Variants in PIK3AP1 observed in about 807,000 individuals in gnomAD.
The protein encoded by PIK3AP1 is phosphoinositide-3-kinase adaptor protein 1.
In PIK3AP1, 21 loss-of-function variants were observed where a neutral mutation model predicts 88.1. The ratio of observed to expected loss-of-function variants is 0.24; its 90% CI spans 0.17 to 0.34. PIK3AP1 has a LOEUF of 0.34. PIK3AP1 is among the 10% of genes least tolerant of loss of function. PIK3AP1 has a pLI of 1.00. For missense variants in PIK3AP1, 828 were observed against 1,035.7 expected, an observed-to-expected ratio of 0.80 and a Z score of 2.75; for synonymous variants, 398 against 400.0, an observed-to-expected ratio of 1.00 and a Z score of 0.06.
chr10:96,606,619 C>T (rs1849006844), intron 14 of PIK3AP1, among the ~76,000 whole-genome samples: 1 of 152,230 alleles, frequency 6.6e-6, no homozygotes, highest in Non-Finnish European at 1.5e-5. Context: ...GCCCTAGCTC[C>T]CATCATCTTC....
intron 6 of PIK3AP1, 61 bp from the exon 7 acceptor site, chr10:96,648,916 T>A: frequency 7.2e-7 from 1 of 1,393,626 alleles, no homozygotes. Flanking sequence ...GGTGCCCTTG[T>A]TCATGGAGAT....
intron 8 of PIK3AP1, among the ~76,000 whole-genome samples, chr10:96,630,039 G>A (rs1309952570): frequency 6.6e-6 from 1 of 151,772 alleles, no homozygotes; most frequent in African/African-American, 2.4e-5. Flanking sequence ...CTGAAAAGAT[G>A]GGGATAAGTA....
chr10:96,602,791 T>A (rs1173953973), intron 15 of PIK3AP1, among the ~76,000 whole-genome samples: 1 of 152,136 alleles, frequency 6.6e-6, no homozygotes, highest in African/African-American at 2.4e-5. Flanking sequence ...TGGATCAAGC[T>A]AGACACATGT....
chr10:96,631,780 G>T (rs2134213230), intron 8 of PIK3AP1, among the ~76,000 whole-genome samples: 1 of 152,222 alleles, frequency 6.6e-6, no homozygotes, highest in South Asian at 2.1e-4. Context: ...CTACTCAGGA[G>T]GCTGAGGCAG....
chr10:96,688,608 G>C (rs12267575), intron 2 of PIK3AP1, among the ~76,000 whole-genome samples: 3,399 of 152,202 alleles, frequency 0.022, 45 homozygotes, highest in Middle Eastern at 0.058. Context: ...AGACCAGCCT[G>C]GCCAACATGG....
intron 15 of PIK3AP1, among the ~76,000 whole-genome samples, chr10:96,602,851 A>G (rs945336017): frequency 3.9e-5 from 6 of 152,066 alleles, no homozygotes; most frequent in Non-Finnish European, 1.5e-5. Context: ...GCAGCAACTT[A>G]CTCCCTGCTC....
chr10:96,672,046 A>G (rs1843854496), intron 2 of PIK3AP1, among the ~76,000 whole-genome samples: 1 of 152,134 alleles, frequency 6.6e-6, no homozygotes, highest in African/African-American at 2.4e-5. Context: ...CTCAAAAAAC[A>G]AAGAAAAAAA....
At chr10:96,658,844 C>G (rs1843650054) in intron 2 of PIK3AP1, among the ~76,000 whole-genome samples, 1 of 146,420 alleles carries the variant, frequency 6.8e-6, no homozygotes, top group Non-Finnish European at 1.6e-5. Context: ...GTGTTCTACG[C>G]AAGGCGATAT....
At chr10:96,618,191 A>G (rs1019269844) in intron 12 of PIK3AP1, among the ~76,000 whole-genome samples, 2 of 152,208 alleles carry the variant, frequency 1.3e-5, no homozygotes, top group Non-Finnish European at 2.9e-5. Context: ...GGACCAGCTC[A>G]TGGGAAGGGA....
chr10:96,610,673 GA>G (rs1849091625), intron 13 of PIK3AP1, among the ~76,000 whole-genome samples: 2 of 152,174 alleles, frequency 1.3e-5, no homozygotes, highest in Admixed American at 1.3e-4. Context: ...TGCCTTTGTC[GA>G]GCAAAGCACT....
chr10:96,641,455 A>C (rs1188568527), intron 8 of PIK3AP1, among the ~76,000 whole-genome samples: 1 of 152,198 alleles, frequency 6.6e-6, no homozygotes, highest in Admixed American at 6.5e-5. Flanking sequence ...TGAGCAAGTG[A>C]GTGAATGAAC....
intron 16 of PIK3AP1, 110 bp downstream of exon 16, chr10:96,602,170 A>C: frequency 2.1e-6 from 2 of 939,446 alleles, no homozygotes; most frequent in African/African-American, 1.7e-5. Flanking sequence ...GGCATGAGCC[A>C]CTGCGCCCAG....
intron 8 of PIK3AP1, among the ~76,000 whole-genome samples, chr10:96,638,692 T>G (rs924254097): frequency 2.0e-5 from 3 of 152,228 alleles, no homozygotes; most frequent in Non-Finnish European, 4.4e-5. Context: ...TGGGATGCAT[T>G]TGTGGTGCTG....
At chr10:96,697,488 G>A (rs1237104432) in intron 2 of PIK3AP1, among the ~76,000 whole-genome samples, 1 of 152,174 alleles carries the variant, frequency 6.6e-6, no homozygotes, top group African/African-American at 2.4e-5. Flanking sequence ...ACTTTGGGAG[G>A]ACAAGGGGAG....
chr10:96,633,878 T>C (rs1439153865), intron 8 of PIK3AP1, among the ~76,000 whole-genome samples: 1 of 152,206 alleles, frequency 6.6e-6, no homozygotes, highest in Non-Finnish European at 1.5e-5. Flanking sequence ...TTCTTTACAA[T>C]AGAGTTATTT....
chr10:96,627,377 T>C (rs1843168113), intron 9 of PIK3AP1, among the ~76,000 whole-genome samples: 1 of 152,180 alleles, frequency 6.6e-6, no homozygotes, highest in Non-Finnish European at 1.5e-5. Context: ...TTTTTAAAGA[T>C]CCAAATAGTA....
intron 2 of PIK3AP1, among the ~76,000 whole-genome samples, chr10:96,693,703 G>A (rs897299599): frequency 4.6e-5 from 7 of 152,114 alleles, no homozygotes; most frequent in African/African-American, 1.7e-4. Context: ...CCTTTATCCT[G>A]TTCTTGTGCA....
chr10:96,603,257 A>G (rs553600785), intron 15 of PIK3AP1, among the ~76,000 whole-genome samples: 1 of 152,304 alleles, frequency 6.6e-6, no homozygotes, highest in Non-Finnish European at 1.5e-5. Flanking sequence ...GCCTCTATCT[A>G]GTCTTAAAAC....
intron 12 of PIK3AP1, 114 bp downstream of exon 12, chr10:96,620,238 G>C (rs939198550): frequency 7.8e-5 from 86 of 1,107,834 alleles, no homozygotes; most frequent in Non-Finnish European, 1.1e-4. Flanking sequence ...AACATTCGCA[G>C]GCACAGCCAC....
Sources: gnomAD v4.1 joint callset for allele counts (sites outside exome capture counted in the v4.1 genomes callset) on GRCh38, gnomAD v4.1.1 for gene constraint, MANE v1.5 for transcripts, NCBI Gene and HGNC (gene_info 2026-07-23, HGNC 2026-07-21) for gene names.